The following GALNT13 variants were observed in gnomAD, a reference collection of about 807,000 sequenced individuals.
GALNT13 encodes the protein UDP-GalNAc:polypeptide N-acetylgalactosaminyltransferase 13.
In GALNT13, 28 loss-of-function variants were observed where a neutral mutation model predicts 64.2. That is an observed-to-expected ratio of 0.44 (90% CI 0.32 to 0.60). The LOEUF (loss-of-function observed/expected upper bound fraction) is 0.60. GALNT13 is among the 20% of genes least tolerant of loss of function. The pLI is 0.05. For synonymous variants in GALNT13, 214 were observed against 224.6 expected (o/e 0.95, Z 0.42); for missense variants, 577 against 669.8 (o/e 0.86, Z 1.53).
At chr2:154,287,380 C>T (rs913555884) in intron 8 of GALNT13, 1 of 518,608 alleles carries the variant, frequency 1.9e-6, no homozygotes, top group Non-Finnish European at 3.6e-6. Flanking sequence ...GGAACGTCAC[C>T]TACCTGCCTG....
chr2:154,067,382 C>T (rs1219234784), intron 3 of GALNT13, among the ~76,000 whole-genome samples: 1 of 151,970 alleles, frequency 6.6e-6, no homozygotes, highest in Non-Finnish European at 1.5e-5. Flanking sequence ...CAATCTGTTG[C>T]CTACAAGAAA....
At chr2:153,482,003 T>C in the GALNT13 span, among the ~76,000 whole-genome samples, 1 of 152,310 alleles carries the variant, frequency 6.6e-6, no homozygotes, top group East Asian at 1.9e-4. Context: ...CCACTCATAA[T>C]AGCAGATTCC....
chr2:153,492,107 T>A, the GALNT13 span, among the ~76,000 whole-genome samples: 1 of 152,178 alleles, frequency 6.6e-6, no homozygotes, highest in Admixed American at 6.5e-5. Flanking sequence ...GTTCAGAGGA[T>A]TCTGGCAGAA....
intron 4 of GALNT13, among the ~76,000 whole-genome samples, chr2:154,187,966 G>GA (rs1178478583): frequency 1.3e-5 from 2 of 151,450 alleles, no homozygotes; most frequent in Non-Finnish European, 2.9e-5. Context: ...TGATTTCACA[G>GA]AAAAAGTAAG....
the GALNT13 span, among the ~76,000 whole-genome samples, chr2:153,642,262 G>C: frequency 6.6e-6 from 1 of 151,650 alleles, no homozygotes; most frequent in Admixed American, 6.6e-5. Flanking sequence ...GCTTTTCCAA[G>C]GTTCTTAATA....
chr2:153,926,392 A>T (rs1690139031), intron 2 of GALNT13: 1 of 152,042 alleles, frequency 6.6e-6, no homozygotes, highest in Admixed American at 6.6e-5. Context: ...GTCCTGATGG[A>T]TTTAAGGTTG....
chr2:153,947,523 T>C (rs1046368961), intron 3 of GALNT13, among the ~76,000 whole-genome samples: 2 of 143,914 alleles, frequency 1.4e-5, no homozygotes, highest in African/African-American at 2.8e-5. Flanking sequence ...TGCCCACTTT[T>C]TGGTGGTTTT....
At chr2:154,316,338 T>G (rs937806505) in intron 9 of GALNT13, among the ~76,000 whole-genome samples, 4 of 152,176 alleles carry the variant, frequency 2.6e-5, no homozygotes, top group African/African-American at 9.6e-5. Context: ...AAAATTGTGA[T>G]CAACTAGGAA....
chr2:153,913,313 G>A lies in GALNT13; in HGVS notation c.-105+12306G>A, dbSNP rs1177008463. ...GGGGTGGGGGGCAGCATGCATCCAT[G>A]TCAACAGCAGTGGTATAGCAGGGTG... On this transcript the variant is annotated intron_variant, in intron 2 of 12. Transcript: ENST00000392825. Among the ~76,000 whole-genome samples, 3 of 152,276 alleles carry A rather than the reference G, an allele frequency of 2.0e-5. No homozygotes were observed. In the East Asian group the frequency reaches 5.8e-4, roughly 30 times the overall value.
At chr2:153,788,634 C>A in the GALNT13 span, among the ~76,000 whole-genome samples, 1 of 151,852 alleles carries the variant, frequency 6.6e-6, no homozygotes, top group Non-Finnish European at 1.5e-5. Context: ...GCTAAAAGCC[C>A]CAATTAATAG....
the GALNT13 span, among the ~76,000 whole-genome samples, chr2:153,243,166 T>C: frequency 6.6e-6 from 1 of 152,028 alleles, no homozygotes; most frequent in Non-Finnish European, 1.5e-5. Flanking sequence ...CACCAATGGG[T>C]GATGGGCTGA....
At chr2:153,393,404 C>T in the GALNT13 span, among the ~76,000 whole-genome samples, 1 of 151,900 alleles carries the variant, frequency 6.6e-6, no homozygotes, top group Non-Finnish European at 1.5e-5. Flanking sequence ...TCTATGGTAA[C>T]GTCATTTTAC....
chr2:153,357,861 T>A, the GALNT13 span, among the ~76,000 whole-genome samples: 3 of 152,258 alleles, frequency 2.0e-5, no homozygotes, highest in Non-Finnish European at 4.4e-5. Flanking sequence ...TGGGAATACA[T>A]CTTAGCCACA....
intron 11 of GALNT13, among the ~76,000 whole-genome samples, chr2:154,431,352 T>A (rs1240180596): frequency 6.6e-6 from 1 of 152,160 alleles, no homozygotes; most frequent in Non-Finnish European, 1.5e-5. Context: ...AAAACGTTTG[T>A]TTGTAGTTTT....
chr2:153,924,848 G>T (rs1186893186), intron 2 of GALNT13, among the ~76,000 whole-genome samples: 1 of 152,044 alleles, frequency 6.6e-6, no homozygotes, highest in Non-Finnish European at 1.5e-5. Flanking sequence ...TTGGCCACAT[G>T]TATGTTTTCT....
intron 9 of GALNT13, among the ~76,000 whole-genome samples, chr2:154,306,620 G>GC (rs915390912): frequency 6.7e-5 from 10 of 149,748 alleles, no homozygotes; most frequent in African/African-American, 2.5e-4. Context: ...TAATTTGGTG[G>GC]GGGGGGGGTC....
chr2:154,252,724 AAGAT>A (rs70983713), intron 7 of GALNT13, among the ~76,000 whole-genome samples: 40,791 of 146,588 alleles, frequency 0.28, 5,705 homozygotes, highest in African/African-American at 0.32. Flanking sequence ...CGAATGGAAA[AAGAT>A]AGATAGATAG....
At chr2:153,340,656 G>GA in the GALNT13 span, among the ~76,000 whole-genome samples, 212 of 124,542 alleles carry the variant, frequency 1.7e-3, no homozygotes, top group East Asian at 3.5e-3. Flanking sequence ...CTCCATCTCA[G>GA]AAAAAAAAAA....
chr2:154,129,538 A>AT (rs1172699784), intron 3 of GALNT13, among the ~76,000 whole-genome samples: 27 of 152,242 alleles, frequency 1.8e-4, no homozygotes, highest in African/African-American at 6.3e-4. Context: ...ACCTATAGCA[A>AT]TTTTCAAAGT....
Sources: allele counts gnomAD v4.1 joint callset (sites outside exome capture counted in the v4.1 genomes callset), GRCh38; gene constraint gnomAD v4.1.1; transcripts MANE v1.5; gene names NCBI Gene and HGNC (gene_info 2026-07-23, HGNC 2026-07-21).